NRG3: variants seen among roughly 807,000 people sequenced by gnomAD.
The protein encoded by NRG3 is neuregulin 3.
NRG3 carries 31 observed loss-of-function variants against 66.9 expected under a neutral mutation model. That is an observed-to-expected ratio of 0.46 (90% confidence interval 0.35 to 0.63). The LOEUF is 0.63. NRG3 is among the 20% of genes least tolerant of loss of function. The probability of loss-of-function intolerance (pLI) is 0.00; values close to 1 mark genes in which losing one functional copy is unlikely to be tolerated. For synonymous variants in NRG3, 393 were observed against 359.4 expected (o/e 1.09, Z -1.06); for missense variants, 910 against 878.9 (o/e 1.04, Z -0.45).
chr10:82,307,485 T>C (rs2080806199), intron 1 of NRG3, among the ~76,000 whole-genome samples: 1 of 152,192 alleles, frequency 6.6e-6, no homozygotes, highest in South Asian at 2.1e-4. Context: ...AAGATTAGTA[T>C]GATATTTTCC....
chr10:82,737,648 G>A (rs1011051550), intron 2 of NRG3, among the ~76,000 whole-genome samples: 1 of 151,998 alleles, frequency 6.6e-6, no homozygotes, highest in Non-Finnish European at 1.5e-5. Flanking sequence ...ATTAAGCTTC[G>A]AGCAGACCAG....
intron 2 of NRG3, among the ~76,000 whole-genome samples, chr10:82,369,788 C>T (rs2084767504): frequency 7.2e-6 from 1 of 138,590 alleles, no homozygotes; most frequent in Non-Finnish European, 1.5e-5. Context: ...TAACTTTCAC[C>T]AGAATGTACA....
At chr10:82,380,020 T>A (rs1054857287) in intron 2 of NRG3, among the ~76,000 whole-genome samples, 2 of 152,036 alleles carry the variant, frequency 1.3e-5, no homozygotes, top group African/African-American at 4.8e-5. Flanking sequence ...TTGTGTGAAA[T>A]AGGAGAGCAA....
At chr10:81,938,986 A>G (rs1481663887) in intron 1 of NRG3, among the ~76,000 whole-genome samples, 2 of 151,990 alleles carry the variant, frequency 1.3e-5, no homozygotes, top group Non-Finnish European at 2.9e-5. Context: ...TAATTTTGTC[A>G]AATTCTTTTA....
intron 2 of NRG3, among the ~76,000 whole-genome samples, chr10:82,680,864 C>T (rs532645408): frequency 1.3e-3 from 200 of 152,268 alleles, no homozygotes; most frequent in Non-Finnish European, 2.3e-3. Flanking sequence ...AGTTACTGTC[C>T]AATCCCTGCC....
intron 1 of NRG3, among the ~76,000 whole-genome samples, chr10:82,286,052 A>AT (rs1327731299): frequency 6.6e-6 from 1 of 152,192 alleles, no homozygotes; most frequent in Non-Finnish European, 1.5e-5. Flanking sequence ...TTATGTGTTG[A>AT]TTCTACAAAC....
At chr10:82,190,866 T>TG (rs2074100774) in intron 1 of NRG3, among the ~76,000 whole-genome samples, 1 of 152,210 alleles carries the variant, frequency 6.6e-6, no homozygotes, top group South Asian at 2.1e-4. Flanking sequence ...CTTCTCATTT[T>TG]TCCCCTCATG....
At chr10:81,961,039 C>T (rs1290110354) in intron 1 of NRG3, among the ~76,000 whole-genome samples, 2 of 152,128 alleles carry the variant, frequency 1.3e-5, no homozygotes, top group African/African-American at 4.8e-5. Flanking sequence ...TTACCTGCAC[C>T]TTCTAAGCTA....
chr10:82,313,766 A>C (rs1402500765), intron 1 of NRG3, among the ~76,000 whole-genome samples: 3 of 152,092 alleles, frequency 2.0e-5, no homozygotes, highest in African/African-American at 7.2e-5. Context: ...TGTAGAGCTG[A>C]CTCCACATCC....
chr10:82,613,244 C>T (rs995577555), intron 2 of NRG3, among the ~76,000 whole-genome samples: 1 of 152,044 alleles, frequency 6.6e-6, no homozygotes, highest in African/African-American at 2.4e-5. Context: ...AATGGCAATA[C>T]ATATATTATA....
intron 2 of NRG3, among the ~76,000 whole-genome samples, chr10:82,630,400 GA>G (rs1435948246): frequency 7.1e-6 from 1 of 140,550 alleles, no homozygotes; most frequent in Non-Finnish European, 1.5e-5. Flanking sequence ...AACTAATTAA[GA>G]AATCCTGGAT....
At chr10:82,001,026 C>G (rs564161211) in intron 1 of NRG3, among the ~76,000 whole-genome samples, 3 of 152,086 alleles carry the variant, frequency 2.0e-5, no homozygotes, top group Non-Finnish European at 4.4e-5. Context: ...GTGTTTTCAA[C>G]TGTTTCTTTT....
chr10:82,966,414 G>A (rs866100973), intron 6 of NRG3, among the ~76,000 whole-genome samples: 2 of 151,870 alleles, frequency 1.3e-5, no homozygotes, highest in African/African-American at 4.8e-5. Flanking sequence ...GATTACATGG[G>A]GTTTACTGGT....
chr10:82,116,090 C>A (rs1364227544), intron 1 of NRG3, among the ~76,000 whole-genome samples: 1 of 152,054 alleles, frequency 6.6e-6, no homozygotes, highest in Admixed American at 6.6e-5. Flanking sequence ...ACTTTTATAA[C>A]CCATCATATT....
chr10:82,753,367 G>A (rs1044818919), intron 3 of NRG3, among the ~76,000 whole-genome samples: 2 of 151,942 alleles, frequency 1.3e-5, no homozygotes, highest in African/African-American at 2.4e-5. Context: ...TTGATTTGTA[G>A]GAGCTATTTT....
rs375930063 is a variant in NRG3 at position 82,597,953 on chromosome 10, T to C, written c.954-140624T>C. ...AAAAAAAAGCTAACTTGCTTTAATC[T>C]ATGACCGTGACCTTACAATGTACTT... On this transcript the variant is annotated intron_variant, in intron 2 of 8. Coordinates refer to ENST00000372141, the MANE Select transcript of NRG3 (RefSeq NM_001010848.4). Among the ~76,000 whole-genome samples the C allele has an allele frequency of 7.9e-5, 12 of 151,990 alleles. No individual in the cohort carries two copies. In the South Asian group the frequency reaches 1.5e-3, roughly 18 times the overall value.
chr10:82,041,344 G>A (rs1019446718), intron 1 of NRG3, among the ~76,000 whole-genome samples: 29 of 151,966 alleles, frequency 1.9e-4, no homozygotes, highest in African/African-American at 7.0e-4. Flanking sequence ...TTCTCCATCA[G>A]TTCTAGAGCC....
At chr10:82,038,220 A>G (rs1479378474) in intron 1 of NRG3, among the ~76,000 whole-genome samples, 1 of 152,144 alleles carries the variant, frequency 6.6e-6, no homozygotes, top group African/African-American at 2.4e-5. Flanking sequence ...TTCCTTTTGA[A>G]AAATGTAAAC....
At chr10:82,512,113 G>A (rs1845231726) in intron 2 of NRG3, among the ~76,000 whole-genome samples, 1 of 151,836 alleles carries the variant, frequency 6.6e-6, no homozygotes, top group African/African-American at 2.4e-5. Flanking sequence ...GCTGATATGT[G>A]CATGCAAAGC....
Sources: allele counts gnomAD v4.1 joint callset (sites outside exome capture counted in the v4.1 genomes callset), GRCh38; gene constraint gnomAD v4.1.1; transcripts MANE v1.5; gene names NCBI Gene and HGNC (gene_info 2026-07-23, HGNC 2026-07-21).